KATNAL2: variants seen among roughly 807,000 people sequenced by gnomAD.
KATNAL2 encodes the protein katanin p60 ATPase-containing subunit A-like 2.
KATNAL2 carries 52 observed loss-of-function variants against 76.3 expected under a neutral mutation model. The ratio of observed to expected loss-of-function variants is 0.68; its 90% CI spans 0.55 to 0.86. The LOEUF (loss-of-function observed/expected upper bound fraction) is 0.86, where lower values mean the gene tolerates loss of function less well. Among genes scored for constraint, KATNAL2 ranks in the 40% least tolerant of loss-of-function variants. The probability of loss-of-function intolerance (pLI) is 0.00; values close to 1 mark genes in which losing one functional copy is unlikely to be tolerated. For synonymous variants in KATNAL2, 243 were observed against 244.2 expected (o/e 1.00, Z 0.05); for missense variants, 660 against 668.9 (o/e 0.99, Z 0.15).
intron 1 of KATNAL2, among the ~76,000 whole-genome samples, chr18:46,928,780 A>G (rs2058813740): frequency 6.6e-6 from 1 of 152,014 alleles, no homozygotes; most frequent in Non-Finnish European, 1.5e-5. Context: ...CCCACCAGAA[A>G]CAACTTTTGA....
At chr18:46,920,183 G>A in intron 1 of KATNAL2, 1 of 661,914 alleles carries the variant, frequency 1.5e-6, no homozygotes, top group South Asian at 1.5e-5. Flanking sequence ...AGACTGGCCT[G>A]AGTCATTAAG....
chr18:46,967,573 ATG>A (rs1160068415), intron 3 of KATNAL2, among the ~76,000 whole-genome samples: 5 of 113,384 alleles, frequency 4.4e-5, no homozygotes, highest in Admixed American at 1.6e-4. Context: ...CTTTGTGTGT[ATG>A]TGTGTGTGTC....
intron 14 of KATNAL2, 73 bp from the exon 15 acceptor site, chr18:47,077,278 G>C: frequency 9.1e-7 from 1 of 1,100,942 alleles, no homozygotes; most frequent in Non-Finnish European, 1.4e-6. Context: ...CAGGGACATT[G>C]CTGTGAATGC....
intron 15 of KATNAL2, among the ~76,000 whole-genome samples, chr18:47,085,890 G>A (rs988055804): frequency 6.6e-6 from 1 of 151,998 alleles, no homozygotes; most frequent in African/African-American, 2.4e-5. Context: ...ACTGCTTGAG[G>A]CCAGCATGGA....
chr18:47,053,525 AC>A (rs2061392743), intron 5 of KATNAL2, among the ~76,000 whole-genome samples: 1 of 152,154 alleles, frequency 6.6e-6, no homozygotes, highest in South Asian at 2.1e-4. Context: ...TAATATAAAA[AC>A]CCAGTATAGG....
At chr18:47,063,215 C>G in intron 9 of KATNAL2, 69 bp from the exon 10 acceptor site, 1 of 1,520,148 alleles carries the variant, frequency 6.6e-7, no homozygotes, top group Middle Eastern at 1.7e-4. Context: ...AAGACCTGTG[C>G]ATGCCCGGGG....
chr18:47,042,685 G>A (rs2061001801), intron 3 of KATNAL2, among the ~76,000 whole-genome samples: 1 of 152,066 alleles, frequency 6.6e-6, no homozygotes, highest in Non-Finnish European at 1.5e-5. Flanking sequence ...TAGAACAAAA[G>A]AGACAAAGGA....
intron 15 of KATNAL2, among the ~76,000 whole-genome samples, chr18:47,087,523 C>A (rs2062825219): frequency 6.6e-6 from 1 of 151,960 alleles, no homozygotes; most frequent in Non-Finnish European, 1.5e-5. Context: ...AGGAGGGGAA[C>A]AACAGACCCT....
intron 15 of KATNAL2, among the ~76,000 whole-genome samples, chr18:47,093,924 GTTGT>G (rs2063117010): frequency 6.6e-6 from 1 of 152,130 alleles, no homozygotes; most frequent in Admixed American, 6.5e-5. Context: ...ACTGCATTTT[GTTGT>G]TTTTCTCTAT....
chr18:47,091,012 G>T (rs187446177), intron 15 of KATNAL2, among the ~76,000 whole-genome samples: 1 of 152,334 alleles, frequency 6.6e-6, no homozygotes, highest in Admixed American at 6.5e-5. Flanking sequence ...AAAACTGAAG[G>T]TTGGTTTCTC....
intron 13 of KATNAL2, among the ~76,000 whole-genome samples, chr18:47,072,669 C>G (rs1403802374): frequency 6.6e-6 from 1 of 151,928 alleles, no homozygotes; most frequent in Non-Finnish European, 1.5e-5. Context: ...GAACTTTTGG[C>G]CTCAAGCAAT....
chr18:46,957,037 C>CAA (rs71264809), intron 3 of KATNAL2, among the ~76,000 whole-genome samples: 2,788 of 104,660 alleles, frequency 0.027, 54 homozygotes, highest in South Asian at 0.048. Flanking sequence ...AACTCCGTCT[C>CAA]AAAAAAAAAA....
chr18:46,950,286 A>G (rs978938446), intron 3 of KATNAL2, among the ~76,000 whole-genome samples: 1 of 152,100 alleles, frequency 6.6e-6, no homozygotes, highest in Non-Finnish European at 1.5e-5. Context: ...ATGCTCACTG[A>G]TGGTTTGATC....
chr18:47,101,457 AG>A lies in KATNAL2; in HGVS notation c.*455del. On this transcript the variant is annotated 3_prime_UTR_variant, in exon 18 of 18. Coordinates refer to ENST00000683218, the MANE Select transcript of KATNAL2 (RefSeq NM_001387690.1). ...TCCCAGGGTGAAGGAGGACGGAAGC[AG>A]GGAAGGCAATGCAGTCTGTTTCTCA... 1 of 166,950 alleles carries A rather than the reference AG, an allele frequency of 6.0e-6. No individual in the cohort carries two copies. Among genetic ancestry groups the A allele is most frequent in the South Asian group, 1.5e-4 (1 of 6,462 alleles). The allele number at this position is 166,950 out of a possible 1,614,324, so 10.3% of individuals were successfully genotyped here. A position where few individuals can be genotyped will look rare whatever the true frequency, so the allele number is the denominator to read the frequency against.
chr18:47,092,327 C>T (rs1025712309), intron 15 of KATNAL2, among the ~76,000 whole-genome samples: 5 of 152,138 alleles, frequency 3.3e-5, no homozygotes, highest in African/African-American at 9.6e-5. Context: ...GGCGAAATCC[C>T]GTTTCTACCA....
chr18:47,034,475 T>C (rs762549731), intron 3 of KATNAL2: 1 of 1,614,144 alleles, frequency 6.2e-7, no homozygotes, highest in Non-Finnish European at 8.5e-7. Context: ...GAGGGCATCC[T>C]TGGGGTTTCC....
At chr18:47,072,867 A>G (rs1460181901) in intron 13 of KATNAL2, among the ~76,000 whole-genome samples, 3 of 152,142 alleles carry the variant, frequency 2.0e-5, no homozygotes, top group African/African-American at 7.2e-5. Context: ...ATGTTCTTTC[A>G]TATGTCTATA....
chr18:46,936,551 G>T (rs1003620372), intron 1 of KATNAL2, among the ~76,000 whole-genome samples: 1 of 152,152 alleles, frequency 6.6e-6, no homozygotes, highest in African/African-American at 2.4e-5. Flanking sequence ...ACCAGCTTGG[G>T]CAACATAGCG....
chr18:47,043,224 T>TCAAAAAA (rs2061025867), intron 3 of KATNAL2, among the ~76,000 whole-genome samples: 1 of 120,276 alleles, frequency 8.3e-6, no homozygotes, highest in African/African-American at 3.1e-5. Context: ...GAGACTCCGT[T>TCAAAAAA]TCAAAAAAAA....
Sources: allele counts gnomAD v4.1 joint callset (sites outside exome capture counted in the v4.1 genomes callset), GRCh38; gene constraint gnomAD v4.1.1; transcripts MANE v1.5; gene names NCBI Gene and HGNC (gene_info 2026-07-23, HGNC 2026-07-21).